Variants in PPM1H observed in about 807,000 individuals in gnomAD.
PPM1H encodes protein phosphatase 1H.
PPM1H carries 27 observed loss-of-function variants against 54.9 expected under a neutral mutation model. The ratio of observed to expected loss-of-function variants is 0.49; its 90% CI spans 0.36 to 0.68. PPM1H has a LOEUF of 0.68. Ranked by LOEUF, PPM1H falls within the 30% of genes least tolerant of loss-of-function variation. PPM1H has a pLI of 0.00. For missense variants in PPM1H, 596 were observed against 667.8 expected, an observed-to-expected ratio of 0.89 and a Z score of 1.19; for synonymous variants, 305 against 270.8, an observed-to-expected ratio of 1.13 and a Z score of -1.24.
At chr12:62,814,404 A>G (rs1250823038) in intron 2 of PPM1H, among the ~76,000 whole-genome samples, 1 of 151,752 alleles carries the variant, frequency 6.6e-6, no homozygotes, top group Non-Finnish European at 1.5e-5. Context: ...TTTTTTGTAG[A>G]GAGGGTCTTG....
intron 5 of PPM1H, among the ~76,000 whole-genome samples, chr12:62,733,008 C>T (rs1425061332): frequency 1.3e-5 from 2 of 152,190 alleles, no homozygotes; most frequent in East Asian, 1.9e-4. Flanking sequence ...AGTAGGATTA[C>T]ACGCACTTAA....
intron 1 of PPM1H, among the ~76,000 whole-genome samples, chr12:62,858,453 G>T (rs1052734562): frequency 3.7e-4 from 34 of 92,110 alleles, no homozygotes; most frequent in African/African-American, 1.8e-3. Flanking sequence ...TGCTTTTTTT[G>T]TTGTTGTTGT....
chr12:62,931,845 A>AT (rs1019241469), intron 1 of PPM1H, among the ~76,000 whole-genome samples: 1 of 152,242 alleles, frequency 6.6e-6, no homozygotes, highest in Admixed American at 6.5e-5. Flanking sequence ...CCAATAGTAT[A>AT]TATTTAAGAA....
intron 9 of PPM1H, among the ~76,000 whole-genome samples, chr12:62,651,896 TCTC>T (rs1257165817): frequency 1.3e-5 from 2 of 152,168 alleles, no homozygotes; most frequent in African/African-American, 2.4e-5. Context: ...GTTCTTGAAT[TCTC>T]CTTTCTTTCT....
At chr12:62,901,503 T>C (rs1240981616) in intron 1 of PPM1H, among the ~76,000 whole-genome samples, 6 of 152,242 alleles carry the variant, frequency 3.9e-5, no homozygotes, top group Admixed American at 2.0e-4. Context: ...ATTATGTTTT[T>C]GTGCTGAGGG....
chr12:62,796,037 TTA>T (rs2076732109), intron 3 of PPM1H, among the ~76,000 whole-genome samples: 1 of 152,226 alleles, frequency 6.6e-6, no homozygotes, highest in Non-Finnish European at 1.5e-5. Context: ...CCATAAGATC[TTA>T]TGTTTTACTT....
intron 1 of PPM1H, among the ~76,000 whole-genome samples, chr12:62,932,341 C>T (rs1872165838): frequency 1.3e-5 from 2 of 152,254 alleles, no homozygotes; most frequent in South Asian, 4.1e-4. Context: ...GGCATGCAAA[C>T]ACTCTGAAAT....
intron 3 of PPM1H, 134 bp downstream of exon 3, chr12:62,801,682 T>C: frequency 5.3e-6 from 5 of 943,020 alleles, no homozygotes; most frequent in Non-Finnish European, 7.8e-6. Flanking sequence ...GGAAGCCCCA[T>C]TATCACAGGG....
intron 6 of PPM1H, among the ~76,000 whole-genome samples, chr12:62,698,214 C>G (rs996839047): frequency 1.3e-5 from 2 of 152,040 alleles, no homozygotes; most frequent in Non-Finnish European, 2.9e-5. Context: ...CTACAATACA[C>G]CTAACCTTGG....
intron 9 of PPM1H, among the ~76,000 whole-genome samples, chr12:62,663,333 T>TA (rs111636918): frequency 9.6e-5 from 12 of 124,496 alleles, no homozygotes; most frequent in African/African-American, 2.3e-4. Flanking sequence ...CAATTCTCTT[T>TA]TAAAAAAAAA....
At chr12:62,860,257 A>C (rs1210669442) in intron 1 of PPM1H, among the ~76,000 whole-genome samples, 1 of 152,196 alleles carries the variant, frequency 6.6e-6, no homozygotes, top group African/African-American at 2.4e-5. Context: ...TGCAGACAGC[A>C]TGGGGGTAAC....
chr12:62,712,132 C>T (rs1031463977), intron 6 of PPM1H, among the ~76,000 whole-genome samples: 4 of 152,184 alleles, frequency 2.6e-5, no homozygotes, highest in Admixed American at 6.5e-5. Context: ...GGGGCTGACC[C>T]ATTCTGAGTT....
In PPM1H at chr12:62,815,624, A is replaced by T. The variant is rs1417587637; in HGVS notation, c.412-13464T>A. Among the ~76,000 whole-genome samples the T allele has an allele frequency of 2.6e-5, 4 of 152,202 alleles. 1 individual carries two copies. The East Asian group carries it at 5.8e-4, about 22-fold the overall frequency. On this transcript the variant is annotated intron_variant, in intron 2 of 9. Transcript: ENST00000228705. ...CACTATTAGAAACAACAACAACAAT[A>T]GATAATATTTATTGAGCACCTACCC...
At chr12:62,659,572 T>C (rs1565747421) in intron 9 of PPM1H, among the ~76,000 whole-genome samples, 2 of 152,160 alleles carry the variant, frequency 1.3e-5, no homozygotes, top group Non-Finnish European at 2.9e-5. Context: ...AGGAAGACAA[T>C]GCTGGCAATT....
At chr12:62,863,048 G>C (rs1869656677) in intron 1 of PPM1H, among the ~76,000 whole-genome samples, 1 of 152,024 alleles carries the variant, frequency 6.6e-6, no homozygotes, top group Non-Finnish European at 1.5e-5. Flanking sequence ...TTAGACAGAG[G>C]CTCACTCCAT....
In PPM1H at chr12:62,647,717, C is replaced by T. The variant is rs2075793837; in HGVS notation, c.*772G>A. The T allele has an allele frequency of 6.6e-6, 1 of 152,244 alleles. No homozygotes were observed. Among genetic ancestry groups the T allele is most frequent in the African/African-American group, 2.4e-5 (1 of 41,414 alleles). The allele number at this position is 152,244 out of a possible 1,614,324, so 9.4% of individuals were successfully genotyped here. Reference sequence around the variant, plus strand: ...AAATGCAACTTGGGAACAAACATTACACAACAAAGACCCTCTGTCATGCAG... The same window carrying T: ...AAATGCAACTTGGGAACAAACATTATACAACAAAGACCCTCTGTCATGCAG... On this transcript the variant is annotated 3_prime_UTR_variant, in exon 10 of 10. Transcript: ENST00000228705.
chr12:62,864,628 G>A lies in PPM1H; in HGVS notation c.246-32349C>T, dbSNP rs1423693489. Among the ~76,000 whole-genome samples the A allele has an allele frequency of 3.9e-5, 6 of 152,254 alleles. No homozygotes were observed. The East Asian group carries it at 1.2e-3, about 29-fold the overall frequency. On this transcript the variant is annotated intron_variant, in intron 1 of 9. Coordinates refer to ENST00000228705, the MANE Select transcript of PPM1H (RefSeq NM_020700.2). ...AAATTCATGCAGGAAAATTAGATTT[G>A]GAAATCCAAACCTCTCTTTAACCCT...
rs76187568 is a variant in PPM1H, at chr12:62,791,496, T to A, written c.757-3158A>T. Among the ~76,000 whole-genome samples the A allele has an allele frequency of 2.2e-4, 33 of 152,308 alleles. No individual in the cohort carries two copies. The East Asian group carries it at 6.4e-3, about 29-fold the overall frequency. ...ATGATAGATACATATTTTACTGAAT[T>A]ATATAAGTTGATAAAGAGTCTGCAT... On this transcript the variant is annotated intron_variant, in intron 3 of 9. Coordinates refer to ENST00000228705, the MANE Select transcript of PPM1H (RefSeq NM_020700.2).
At chr12:62,686,767 G>C (rs538042550) in intron 8 of PPM1H, among the ~76,000 whole-genome samples, 1 of 152,310 alleles carries the variant, frequency 6.6e-6, no homozygotes, top group African/African-American at 2.4e-5. Context: ...GTGATACCAG[G>C]AAATGTGTGT....
Sources: gnomAD v4.1 joint callset for allele counts (sites outside exome capture counted in the v4.1 genomes callset) on GRCh38, gnomAD v4.1.1 for gene constraint, MANE v1.5 for transcripts, NCBI Gene and HGNC (gene_info 2026-07-23, HGNC 2026-07-21) for gene names.